CEP170B: variants seen among roughly 807,000 people sequenced by gnomAD.
CEP170B encodes the protein centrosomal protein 170B.
In CEP170B, 55 loss-of-function variants were observed where a neutral mutation model predicts 120.6. The observed-to-expected ratio is 0.46, with a 90% CI of 0.37 to 0.57. The LOEUF (loss-of-function observed/expected upper bound fraction) is 0.57. Among genes scored for constraint, CEP170B ranks in the 20% least tolerant of loss-of-function variants. The pLI, the probability that CEP170B is intolerant of heterozygous loss-of-function variation, is 0.00. For missense variants in CEP170B, 2,212 were observed against 2,253.3 expected (o/e 0.98, Z 0.37); for synonymous variants, 1,033 against 954.5 (o/e 1.08, Z -1.52).
At chr14:104,890,477 G>C (rs1292631115) in intron 13 of CEP170B, among the ~76,000 whole-genome samples, 1 of 140,144 alleles carries the variant, frequency 7.1e-6, no homozygotes, top group Non-Finnish European at 1.6e-5. Flanking sequence ...TGGATGGATG[G>C]ATGAATGAGT....
Position 104,887,661 on chromosome 14 carries a change from A to T in CEP170B, c.3422A>T (p.Asp1141Val). ...LGDASDTEAA[D>V]GERGSLGNPE... is the part of the protein sequence containing the mutation. Reference sequence around the variant, plus strand: ...GACGCTTCAGACACTGAGGCTGCGGATGGTGAGCGGGGGTCCCTGGGCAAC... The same window carrying T: ...GACGCTTCAGACACTGAGGCTGCGGTTGGTGAGCGGGGGTCCCTGGGCAAC... The change falls in exon 12 of 19, where the codon GAT (aspartate) becomes GTT (valine). Residue 1141 changes from aspartate (D) to valine (V), a missense_variant. By Grantham distance (152) the Asp-to-Val change is radical (BLOSUM62 -3). This residue lies in a region of CEP170B where 2,166 missense variants were observed against 2,166.7 expected (regional missense o/e 1.00). Coordinates refer to ENST00000414716, the MANE Select transcript of CEP170B (RefSeq NM_001112726.3). The T allele has an allele frequency of 2.6e-6, 4 of 1,567,992 alleles. No individual in the cohort carries two copies. The highest frequency in any genetic ancestry group is 3.5e-6 in the Non-Finnish European group (4 of 1,159,252).
At position 104,882,823 on chromosome 14, in the gene CEP170B, C is replaced by T; in HGVS notation, c.568C>T (p.Pro190Ser). Reference sequence around the variant, plus strand: ...GCCTGACGCCCAGCGCCAGGGAGAGCCCTACCCAGGTTGGTCTTGGGGCCA... The same window carrying T: ...GCCTGACGCCCAGCGCCAGGGAGAGTCCTACCCAGGTTGGTCTTGGGGCCA... ...TLPDAQRQGEPYPERPKGPVQ... is the reference protein window; with the variant it reads ...TLPDAQRQGESYPERPKGPVQ... The change falls in exon 7 of 19, where the codon CCC becomes TCC. Residue 190 changes from proline (P) to serine (S), a missense_variant. By Grantham distance (74) the Pro-to-Ser change is moderately conservative. Transcript: ENST00000414716. The T allele has an allele frequency of 6.2e-7, 1 of 1,611,678 alleles. No individual in the cohort carries two copies. The highest frequency in any genetic ancestry group is 8.5e-7 in the Non-Finnish European group (1 of 1,179,402).
intron 1 of CEP170B, among the ~76,000 whole-genome samples, chr14:104,866,526 C>G (rs1895216845): frequency 6.6e-6 from 1 of 152,210 alleles, no homozygotes; most frequent in Non-Finnish European, 1.5e-5. Flanking sequence ...GCCTGTCTGG[C>G]TGGAGCTGGG....
chr14:104,889,506 C>A, intron 12 of CEP170B, 114 bp from the exon 13 acceptor site: 1 of 1,560,510 alleles, frequency 6.4e-7, no homozygotes, highest in South Asian at 1.2e-5. Context: ...AACCAATTCA[C>A]TCACCAAGAC....
chr14:104,879,772 G>A (rs952566782), intron 5 of CEP170B, among the ~76,000 whole-genome samples: 15 of 152,202 alleles, frequency 9.9e-5, no homozygotes, highest in African/African-American at 3.4e-4. Flanking sequence ...TGTGGGGGGC[G>A]TGAGGGTCCT....
Position 104,883,313 on chromosome 14 carries a change from C to T in CEP170B, c.856C>T (p.His286Tyr). 6.2e-7 allele frequency: 1 copy of T among 1,612,142 alleles called. No individual in the cohort carries two copies. The highest frequency in any genetic ancestry group is 8.5e-7 in the Non-Finnish European group (1 of 1,179,710). The change falls in exon 8 of 19, where the codon CAT becomes TAT. Residue 286 changes from histidine (H) to tyrosine (Y), a missense_variant. Around this residue, in one of 2 missense-constraint regions of CEP170B, gnomAD observed 2,166 missense variants for 2,166.7 expected, o/e 1.00. Transcript: ENST00000414716. ...CCCTGGCAAGATGAAGATCAAGGAC[C>T]ATATCACCAAGTTTTCCCTGCGCCA... ...CSPGKMKIKD[H>Y]ITKFSLRQRR...
At chr14:104,878,561 A>G in intron 5 of CEP170B, 60 bp downstream of exon 5, 2 of 1,551,148 alleles carry the variant, frequency 1.3e-6, no homozygotes, top group Non-Finnish European at 1.8e-6. Context: ...CATCCTCCCC[A>G]CCATGCTCCC....
At position 104,882,725 on chromosome 14, in the gene CEP170B, C is replaced by T; in HGVS notation, c.473-3C>T. On this transcript the variant is annotated splice_polypyrimidine_tract_variant and splice_region_variant and intron_variant, in intron 6 of 18. Transcript: ENST00000414716. ...AGGGTCTGACCTCTCGCTCCCTCCACAGAGGCAGCCTCTTACCGCACACCC... is the reference window on the plus strand; with the variant it reads ...AGGGTCTGACCTCTCGCTCCCTCCATAGAGGCAGCCTCTTACCGCACACCC... The T allele has an allele frequency of 6.2e-7, 1 of 1,610,314 alleles. No homozygotes were observed. The highest frequency in any genetic ancestry group is 1.3e-5 in the African/African-American group (1 of 75,004).
chr14:104,872,377 G>T (rs1329255644), intron 2 of CEP170B, among the ~76,000 whole-genome samples: 151 of 84,580 alleles, frequency 1.8e-3, no homozygotes, highest in African/African-American at 4.4e-3. Context: ...GTGTGCCATG[G>T]GTGTGCATGT....
At position 104,889,673 on chromosome 14, in the gene CEP170B, G is replaced by A. The variant is rs775941430; in HGVS notation, c.3793G>A (p.Gly1265Ser). ...CAGCCGGGCTCGTTCCCGGGCCCCC[G>A]GCCCCCGGGACACGGACGACGATGA... ...SSSRARSRAP[G>S]PRDTDDDEEE... Residue 1265 changes from glycine to serine, a missense_variant, in exon 13 of 19, where the codon GGC becomes AGC. Physicochemically the swap from Gly to Ser is moderately conservative, Grantham distance 56. Around this residue, in one of 2 missense-constraint regions of CEP170B, gnomAD observed 2,166 missense variants for 2,166.7 expected, o/e 1.00. Transcript: ENST00000414716. 2.7e-5 allele frequency: 43 copies of A among 1,611,968 alleles called. 1 individual carries two copies. Among genetic ancestry groups the A allele is most frequent in the South Asian group, 2.3e-4 (21 of 91,062 alleles).
At chr14:104,881,208 G>C (rs192304144) in intron 6 of CEP170B, among the ~76,000 whole-genome samples, 25 of 152,138 alleles carry the variant, frequency 1.6e-4, no homozygotes, top group Non-Finnish European at 3.4e-4. Flanking sequence ...ACAGCTGCAC[G>C]AGGGTCCGCG....
chr14:104,874,227 T>G (rs1273320686), intron 2 of CEP170B, among the ~76,000 whole-genome samples: 4 of 152,126 alleles, frequency 2.6e-5, no homozygotes, highest in Non-Finnish European at 4.4e-5. Context: ...GAGGAGGTGA[T>G]GTCTGGCATC....
chr14:104,876,427 C>T, intron 3 of CEP170B, 82 bp downstream of exon 3: 2 of 1,318,354 alleles, frequency 1.5e-6, no homozygotes, highest in Admixed American at 4.0e-5. Flanking sequence ...CTGGCTCCTC[C>T]CCCAGTCATA....
At position 104,895,136 on chromosome 14, in the gene CEP170B, A is replaced by G. The variant is rs1897022296; in HGVS notation, c.*178A>G. On this transcript the variant is annotated 3_prime_UTR_variant, in exon 19 of 19. Transcript: ENST00000414716. ...CTCGTCAGCTCCCAGCCAGCACCCT[A>G]CTCACCCTGTCCAGCCCCATGGCCA... The G allele has an allele frequency of 6.0e-6, 4 of 667,980 alleles. No homozygotes were observed. Among genetic ancestry groups the G allele is most frequent in the Admixed American group, 6.6e-5 (2 of 30,262 alleles). 41.4% of individuals were successfully genotyped at this position (667,980 alleles called of 1,614,324 possible).
At position 104,883,836 on chromosome 14, in the gene CEP170B, A is replaced by T. The variant is rs1475180825; in HGVS notation, c.1057A>T (p.Lys353Ter). Residue 353 changes from lysine to a stop codon, truncating the protein, a stop_gained, in exon 9 of 19, where the codon AAG becomes TAG. Transcript: ENST00000414716. LOFTEE classifies it high-confidence loss of function. ...GGGTCCCCTGTCTCCCCCAGGCCAC[A>T]AGCACGAGGACGGCACGCAGAGTGA... Reference protein sequence around the residue: ...PVHTRTLKGHKHEDGTQSDSE... With the variant: ...PVHTRTLKGH 1 of 1,548,544 alleles carries T rather than the reference A, an allele frequency of 6.5e-7. No homozygotes were observed.
At chr14:104,876,114 G>A in intron 2 of CEP170B, 142 bp from the exon 3 acceptor site, 2 of 739,062 alleles carry the variant, frequency 2.7e-6, no homozygotes, top group Non-Finnish European at 4.6e-6. Context: ...CTGGAGACAG[G>A]GTGGGCACAG....
chr14:104,878,008 C>T (rs534181005), intron 4 of CEP170B, 45 bp downstream of exon 4: 10 of 1,471,048 alleles, frequency 6.8e-6, no homozygotes, highest in Non-Finnish European at 8.5e-6. Context: ...TCTTCTCAGT[C>T]CCCAGGACCA....
rs1199398015 is a variant in CEP170B at position 104,867,948 on chromosome 14, G to T, written c.-27-476G>T. On this transcript the variant is annotated intron_variant, in intron 1 of 18. Transcript: ENST00000414716. The surrounding 1 kb of genome is among the most constrained non-coding windows in gnomAD (Gnocchi z 5.4). ...CTCAGTCTCAGAGTGTCCTGCTGGGGGGAGTGGGTCCTCTTGTTCAGTGTA... is the reference window on the plus strand; with the variant it reads ...CTCAGTCTCAGAGTGTCCTGCTGGGTGGAGTGGGTCCTCTTGTTCAGTGTA... Among the ~76,000 whole-genome samples the T allele has an allele frequency of 2.0e-5, 3 of 152,092 alleles. No individual in the cohort carries two copies. The highest frequency in any genetic ancestry group is 7.2e-5 in the African/African-American group (3 of 41,424).
intron 12 of CEP170B, among the ~76,000 whole-genome samples, chr14:104,888,526 C>G (rs567520336): frequency 6.6e-6 from 1 of 152,358 alleles, no homozygotes; most frequent in South Asian, 2.1e-4. Flanking sequence ...CTGCCCTGCC[C>G]CCCAGATGTC....
Sources: allele counts gnomAD v4.1 joint callset (sites outside exome capture counted in the v4.1 genomes callset), GRCh38; gene constraint gnomAD v4.1.1; regional missense constraint gnomAD v4.1.1; non-coding constraint Gnocchi (gnomAD v3.1); transcripts MANE v1.5; gene names NCBI Gene and HGNC (gene_info 2026-07-23, HGNC 2026-07-21).